The following PBRM1 variants were observed in gnomAD, a reference collection of about 807,000 sequenced individuals.
The protein encoded by PBRM1 is polybromo 1, also known as protein polybromo-1.
A neutral mutation model predicts 194.5 loss-of-function variants in PBRM1; 27 were observed. The observed-to-expected ratio is 0.14, with a 90% CI of 0.10 to 0.19. The LOEUF (loss-of-function observed/expected upper bound fraction) is 0.19. Ranked by LOEUF, PBRM1 falls within the 10% of genes least tolerant of loss-of-function variation. PBRM1 has a pLI of 1.00. For missense variants in PBRM1, 1,466 were observed against 2,077.2 expected, an observed-to-expected ratio of 0.71 and a Z score of 5.72; for synonymous variants, 655 against 693.2, an observed-to-expected ratio of 0.94 and a Z score of 0.87.
chr3:52,658,441 CTGGAGTACAG>C (rs1291242838), intron 4 of PBRM1, 126 bp from the exon 6 acceptor site: 1 of 516,824 alleles, frequency 1.9e-6, no homozygotes, highest in East Asian at 3.2e-5. Flanking sequence ...GATGGAGAGG[CTGGAGTACAG>C]TGGCACAATT....
chr3:52,661,405 CAA>C (rs979233333), intron 4 of PBRM1, among the ~76,000 whole-genome samples: 1 of 152,060 alleles, frequency 6.6e-6, no homozygotes, highest in African/African-American at 2.4e-5. Flanking sequence ...AATAAATGAA[CAA>C]AAAGATACCT....
exon 4 of PBRM1, chr3:52,662,150 C>A (rs746949395): frequency 1.2e-6 from 2 of 1,614,016 alleles, no homozygotes; most frequent in Admixed American, 3.3e-5. Context: ...GTCACTGTGC[C>A]CTGATTGTCT....
chr3:52,617,579 G>C, intron 13 of PBRM1, 41 bp from the exon 16 acceptor site: 1 of 1,481,670 alleles, frequency 6.7e-7, no homozygotes. Flanking sequence ...ATTAGAATAG[G>C]TTCAGTTTTC....
At chr3:52,601,402 A>C (rs1397659397) in intron 17 of PBRM1, among the ~76,000 whole-genome samples, 1 of 152,220 alleles carries the variant, frequency 6.6e-6, no homozygotes, top group Non-Finnish European at 1.5e-5. Flanking sequence ...TCAGATCATC[A>C]GGCATTAAGA....
chr3:52,649,077 A>G (rs1334280892), intron 6 of PBRM1, among the ~76,000 whole-genome samples: 1 of 152,212 alleles, frequency 6.6e-6, no homozygotes, highest in East Asian at 1.9e-4. Context: ...AGAGTAAGGA[A>G]ACCAAACTGA....
chr3:52,628,526 AGTG>A (rs988184614), intron 12 of PBRM1, among the ~76,000 whole-genome samples: 15 of 151,594 alleles, frequency 9.9e-5, no homozygotes, highest in Non-Finnish European at 2.1e-4. Context: ...GCTGGAGTGC[AGTG>A]GTGCAATCTC....
intron 5 of PBRM1, among the ~76,000 whole-genome samples, 154 bp downstream of exon 6, chr3:52,658,045 G>A (rs138791804): frequency 2.4e-4 from 37 of 151,364 alleles, no homozygotes; most frequent in Non-Finnish European, 4.3e-4. Flanking sequence ...CACCTGCCTC[G>A]GCCTCCCAAA....
chr3:52,564,110 T>C (rs1239100370), exon 23 of PBRM1: 3 of 1,613,972 alleles, frequency 1.9e-6, no homozygotes, highest in African/African-American at 1.3e-5. Context: ...CTTCAATCCT[T>C]TGAATTTCTT....
At position 52,587,343 on chromosome 3, in the gene PBRM1, A is replaced by T; in HGVS notation, c.3123+10T>A. On this transcript the variant is annotated intron_variant, in intron 19 of 29. Coordinates refer to ENST00000296302, the Ensembl canonical transcript of PBRM1. ...ATGAGTGAGACTTTGGGATTTAATG[A>T]GTTTCTTACCTTGACAAACATGACC... is the stretch of plus-strand genomic sequence containing the variant. The T allele has an allele frequency of 6.3e-7, 1 of 1,581,986 alleles. No individual in the cohort carries two copies. The highest frequency in any genetic ancestry group is 8.6e-7 in the Non-Finnish European group (1 of 1,156,790).
At chr3:52,679,859 A>AT, upstream of PBRM1, 13 of 530,546 alleles carry the variant, frequency 2.5e-5, no homozygotes, top group South Asian at 4.2e-5. Context: ...ACTAGCTATA[A>AT]GTTTTTTTTT....
chr3:52,629,704 G>A (rs2095556780), intron 11 of PBRM1, among the ~76,000 whole-genome samples: 2 of 152,050 alleles, frequency 1.3e-5, no homozygotes, highest in Non-Finnish European at 2.9e-5. Context: ...CTATCATAAA[G>A]CCCTTATGTA....
At chr3:52,685,913 C>A, upstream of PBRM1, 1 of 654,038 alleles carries the variant, frequency 1.5e-6, no homozygotes, top group Admixed American at 2.4e-5. Context: ...GCCGCAAAAC[C>A]AGTCCCGCGG....
intron 22 of PBRM1, 88 bp downstream of exon 24, chr3:52,576,453 T>G: frequency 9.7e-7 from 1 of 1,028,450 alleles, no homozygotes; most frequent in Non-Finnish European, 1.4e-6. Context: ...GCTCTATACC[T>G]AACACCTAGA....
intron 22 of PBRM1, among the ~76,000 whole-genome samples, chr3:52,574,470 C>CG (rs2088665416): frequency 6.6e-6 from 1 of 152,106 alleles, no homozygotes; most frequent in South Asian, 2.1e-4. Context: ...CAGCTGTTGC[C>CG]GGCTGGGGCA....
chr3:52,571,285 T>C (rs1466199022), intron 22 of PBRM1, among the ~76,000 whole-genome samples: 8 of 141,126 alleles, frequency 5.7e-5, no homozygotes, highest in Non-Finnish European at 1.1e-4. Flanking sequence ...ATTGTGCCAC[T>C]GCACTGCAGC....
At chr3:52,589,432 A>T (rs2092787736) in intron 17 of PBRM1, among the ~76,000 whole-genome samples, 177 bp from the exon 20 acceptor site, 1 of 152,216 alleles carries the variant, frequency 6.6e-6, no homozygotes, top group South Asian at 2.1e-4. Flanking sequence ...AATAGCCTCT[A>T]CTCAAAACTA....
chr3:52,658,412 C>CTT (rs200866604), intron 4 of PBRM1, 97 bp from the exon 6 acceptor site: 2,192 of 441,178 alleles, frequency 5.0e-3, no homozygotes, highest in South Asian at 6.1e-3. Flanking sequence ...AAAACAGCAA[C>CTT]TTTTTTTTTT....
chr3:52,647,517 G>A (rs942425256), intron 7 of PBRM1, among the ~76,000 whole-genome samples: 4 of 116,532 alleles, frequency 3.4e-5, no homozygotes, highest in South Asian at 6.3e-4. Flanking sequence ...ACATAAAAAC[G>A]TATATGTGAA....
At chr3:52,638,261 C>A (rs1334456085) in intron 10 of PBRM1, among the ~76,000 whole-genome samples, 1 of 152,104 alleles carries the variant, frequency 6.6e-6, no homozygotes, top group Non-Finnish European at 1.5e-5. Flanking sequence ...ACAGAATGAA[C>A]TGCGGAGCTC....
Sources: allele counts gnomAD v4.1 joint callset (sites outside exome capture counted in the v4.1 genomes callset), GRCh38; gene constraint gnomAD v4.1.1; transcripts MANE v1.5; gene names NCBI Gene and HGNC (gene_info 2026-07-23, HGNC 2026-07-21).